CMC1: variants seen among roughly 807,000 people sequenced by gnomAD.
CMC1 encodes the protein C-X9-C motif containing 1, also known as COX assembly mitochondrial protein homolog.
Under a neutral mutation model 14.1 loss-of-function variants are expected in CMC1, and 14 were observed. The ratio of observed to expected loss-of-function variants is 0.99; its 90% CI spans 0.66 to 1.55. The LOEUF is 1.55. Among genes scored for constraint, CMC1 ranks in the 40% most tolerant of loss-of-function variants. The probability of loss-of-function intolerance (pLI) is 0.00; values close to 1 mark genes in which losing one functional copy is unlikely to be tolerated. For synonymous variants in CMC1, 50 were observed against 38.4 expected (o/e 1.30, Z -1.12); for missense variants, 127 against 123.8 (o/e 1.03, Z -0.12).
intron 1 of CMC1, among the ~76,000 whole-genome samples, chr3:28,252,063 A>G (rs1214914931): frequency 6.6e-6 from 1 of 152,212 alleles, no homozygotes; most frequent in Non-Finnish European, 1.5e-5. Context: ...CAGTTCTAAA[A>G]TTGGCATGTC....
At chr3:28,316,806 T>C in intron 3 of CMC1, 1 of 154,218 alleles carries the variant, frequency 6.5e-6, no homozygotes, top group Non-Finnish European at 1.4e-5. Flanking sequence ...ATTTGTTGGA[T>C]TAATATAATT....
intron 1 of CMC1, among the ~76,000 whole-genome samples, chr3:28,255,334 G>T (rs189045100): frequency 2.0e-5 from 3 of 150,196 alleles, no homozygotes; most frequent in African/African-American, 7.3e-5. Flanking sequence ...TCCGCCTCCC[G>T]GGTTCAAGCA....
chr3:28,281,706 T>C (rs1424330454), intron 2 of CMC1, among the ~76,000 whole-genome samples: 1 of 152,158 alleles, frequency 6.6e-6, no homozygotes, highest in Non-Finnish European at 1.5e-5. Flanking sequence ...AATACCTACA[T>C]GTTACTTTAG....
intron 2 of CMC1, among the ~76,000 whole-genome samples, chr3:28,310,986 C>T (rs1286424698): frequency 1.3e-5 from 2 of 152,184 alleles, no homozygotes; most frequent in Non-Finnish European, 2.9e-5. Flanking sequence ...AATGCTCCCT[C>T]GCCAGACGCT....
Position 28,323,523 on chromosome 3 carries a change from C to T in CMC1, c.*3894C>T, listed in dbSNP as rs921385794. 1 of 151,338 alleles carries T rather than the reference C, an allele frequency of 6.6e-6. No individual in the cohort carries two copies. The highest frequency in any genetic ancestry group is 2.4e-5 in the African/African-American group (1 of 41,254). 9.4% of individuals were successfully genotyped at this position (151,338 alleles called of 1,614,324 possible). ...ACTTTAAATCTTAAATATTGAAACG[C>T]AATAGCATATAAAGATGGTATAACC... On this transcript the variant is annotated 3_prime_UTR_variant, in exon 4 of 4. Transcript: ENST00000466830.
At chr3:28,311,340 TTAGGTCATTGATGCAGAGG>T (rs1702630239) in intron 2 of CMC1, among the ~76,000 whole-genome samples, 1 of 152,180 alleles carries the variant, frequency 6.6e-6, no homozygotes, top group Non-Finnish European at 1.5e-5. Flanking sequence ...GCCAAACTAC[TTAGGTCATTGATGCAGAGG>T]TCGCAGGGAG....
chr3:28,315,419 T>TA (rs1184139399), intron 2 of CMC1, among the ~76,000 whole-genome samples: 1 of 152,122 alleles, frequency 6.6e-6, no homozygotes, highest in Non-Finnish European at 1.5e-5. Flanking sequence ...ACCTAGAACT[T>TA]ACTTGGGAAT....
chr3:28,281,419 C>T (rs1039282242), intron 2 of CMC1, among the ~76,000 whole-genome samples: 8 of 152,066 alleles, frequency 5.3e-5, no homozygotes, highest in Admixed American at 6.5e-5. Flanking sequence ...AAAAAGGTAA[C>T]AAAGATTGAG....
intron 2 of CMC1, among the ~76,000 whole-genome samples, chr3:28,302,561 A>G (rs896462483): frequency 6.6e-5 from 10 of 152,186 alleles, no homozygotes; most frequent in African/African-American, 9.6e-5. Flanking sequence ...GTAGCACTTA[A>G]TATCTGAAAC....
At chr3:28,256,720 ACC>A (rs1001380776) in intron 1 of CMC1, among the ~76,000 whole-genome samples, 3 of 152,232 alleles carry the variant, frequency 2.0e-5, no homozygotes, top group African/African-American at 7.2e-5. Flanking sequence ...ATAGGCAAAC[ACC>A]GACATGGTGA....
At chr3:28,298,757 A>G (rs2125568362) in intron 2 of CMC1, among the ~76,000 whole-genome samples, 1 of 152,152 alleles carries the variant, frequency 6.6e-6, no homozygotes, top group East Asian at 1.9e-4. Context: ...TTTAGTAGTA[A>G]CAGTTGCAAA....
chr3:28,313,460 G>A (rs1702742354), intron 2 of CMC1, among the ~76,000 whole-genome samples: 1 of 152,102 alleles, frequency 6.6e-6, no homozygotes, highest in Non-Finnish European at 1.5e-5. Context: ...AACATTTAAT[G>A]TAAATTAAAA....
At chr3:28,259,461 T>TG (rs1448167111) in intron 1 of CMC1, among the ~76,000 whole-genome samples, 1 of 152,136 alleles carries the variant, frequency 6.6e-6, no homozygotes, top group African/African-American at 2.4e-5. Flanking sequence ...TAAAAAAGGT[T>TG]GGGACAGGCT....
intron 2 of CMC1, among the ~76,000 whole-genome samples, chr3:28,282,993 C>G (rs1700975524): frequency 6.6e-6 from 1 of 152,186 alleles, no homozygotes; most frequent in Non-Finnish European, 1.5e-5. Context: ...AGCTCAGCTT[C>G]TTTTTGACTT....
At chr3:28,244,393 T>C (rs1276409686) in intron 1 of CMC1, among the ~76,000 whole-genome samples, 1 of 151,812 alleles carries the variant, frequency 6.6e-6, no homozygotes, top group Admixed American at 6.6e-5. Context: ...TGAGGAGAAA[T>C]TGACAGGACC....
At chr3:28,304,839 A>G (rs1702228255) in intron 2 of CMC1, among the ~76,000 whole-genome samples, 2 of 152,162 alleles carry the variant, frequency 1.3e-5, no homozygotes, top group Admixed American at 6.5e-5. Context: ...GATTGCCACT[A>G]ACTGCTTATC....
At chr3:28,305,280 G>T (rs1702250431) in intron 2 of CMC1, among the ~76,000 whole-genome samples, 1 of 152,146 alleles carries the variant, frequency 6.6e-6, no homozygotes, top group Non-Finnish European at 1.5e-5. Context: ...TGGCTGTGTA[G>T]TATTCTATGA....
intron 2 of CMC1, among the ~76,000 whole-genome samples, chr3:28,293,218 T>A (rs1701568360): frequency 6.6e-6 from 1 of 152,128 alleles, no homozygotes; most frequent in South Asian, 2.1e-4. Context: ...AAGACTGTGG[T>A]TGTTCTGTGT....
chr3:28,278,386 C>T (rs969907068), intron 2 of CMC1, among the ~76,000 whole-genome samples: 1 of 152,084 alleles, frequency 6.6e-6, no homozygotes, highest in African/African-American at 2.4e-5. Context: ...CTTTATCAGA[C>T]AGTAGTAAAA....
Sources: allele counts gnomAD v4.1 joint callset (sites outside exome capture counted in the v4.1 genomes callset), GRCh38; gene constraint gnomAD v4.1.1; transcripts MANE v1.5; gene names NCBI Gene and HGNC (gene_info 2026-07-23, HGNC 2026-07-21).